RSRC1: variants seen among roughly 807,000 people sequenced by gnomAD.
RSRC1 encodes the protein arginine and serine rich coiled-coil 1, also known as serine/Arginine-related protein 53.
In RSRC1, 39 loss-of-function variants were observed where a neutral mutation model predicts 49.1. The ratio of observed to expected loss-of-function variants is 0.79; its 90% CI spans 0.61 to 1.04. RSRC1 has a LOEUF of 1.04. Among genes scored for constraint, RSRC1 ranks in the 50% least tolerant of loss-of-function variants. The pLI is 0.00. For missense variants in RSRC1, 388 were observed against 402.4 expected, an observed-to-expected ratio of 0.96 and a Z score of 0.31; for synonymous variants, 143 against 130.8, an observed-to-expected ratio of 1.09 and a Z score of -0.63.
At chr3:158,378,468 A>T (rs1252117628) in intron 6 of RSRC1, among the ~76,000 whole-genome samples, 1 of 152,210 alleles carries the variant, frequency 6.6e-6, no homozygotes, top group Non-Finnish European at 1.5e-5. Context: ...TCTGCATTCT[A>T]TTCTGTTCCT....
chr3:158,509,730 C>T lies in RSRC1; in HGVS notation c.653-27362C>T, dbSNP rs1410793063. ...TGACTTGCTTTCTTTTTCTGTTCAA[C>T]ATTATGGTATACCATAGTGATAGTA... On this transcript the variant is annotated intron_variant, in intron 7 of 9. Coordinates refer to ENST00000611884, the MANE Select transcript of RSRC1 (RefSeq NM_001271838.2). Among the ~76,000 whole-genome samples, 4 of 152,124 alleles carry T rather than the reference C, an allele frequency of 2.6e-5. 1 individual carries two copies. The highest frequency in any genetic ancestry group is 9.7e-5 in the African/African-American group (4 of 41,424).
At chr3:158,370,909 GT>G (rs1250017375) in intron 6 of RSRC1, among the ~76,000 whole-genome samples, 2 of 151,854 alleles carry the variant, frequency 1.3e-5, no homozygotes, top group African/African-American at 4.8e-5. Context: ...TTGTATGAAA[GT>G]TTGCTTCATT....
intron 6 of RSRC1, among the ~76,000 whole-genome samples, chr3:158,429,610 A>G (rs1445920430): frequency 6.7e-6 from 1 of 149,686 alleles, no homozygotes; most frequent in African/African-American, 2.5e-5. Context: ...TGTGTCTGGA[A>G]TCTATATATG....
At chr3:158,473,679 A>G (rs1178263023) in intron 7 of RSRC1, among the ~76,000 whole-genome samples, 2 of 152,154 alleles carry the variant, frequency 1.3e-5, no homozygotes, top group African/African-American at 4.8e-5. Context: ...AAAAAGGATG[A>G]GAAATGTCCT....
intron 5 of RSRC1, among the ~76,000 whole-genome samples, chr3:158,328,582 G>A (rs1729332082): frequency 6.6e-6 from 1 of 152,172 alleles, no homozygotes; most frequent in Non-Finnish European, 1.5e-5. Flanking sequence ...CTGGCTTGTA[G>A]AGTTTCTGCC....
chr3:158,531,688 C>T (rs1258264253), intron 7 of RSRC1, among the ~76,000 whole-genome samples: 1 of 151,612 alleles, frequency 6.6e-6, no homozygotes. Flanking sequence ...AATTTGTTCT[C>T]GGTGATATTG....
In RSRC1 at chr3:158,544,628, G is replaced by C. The variant is rs1341011251; in HGVS notation, c.*353G>C. 1.3e-5 allele frequency: 2 copies of C among 159,248 alleles called. No homozygotes were observed. The highest frequency in any genetic ancestry group is 4.8e-5 in the African/African-American group (2 of 41,634). 9.9% of individuals were successfully genotyped at this position (159,248 alleles called of 1,614,324 possible). A position where few individuals can be genotyped will look rare whatever the true frequency, so the allele number is the denominator to read the frequency against. The stretch of plus-strand genomic sequence containing the variant: ...ATTTTGATTAATTATGCATACATGA[G>C]AATTGAATTACATGCTATAAATATG... On this transcript the variant is annotated 3_prime_UTR_variant, in exon 10 of 10. Transcript: ENST00000611884.
At chr3:158,372,436 C>G (rs1732134522) in intron 6 of RSRC1, among the ~76,000 whole-genome samples, 1 of 151,762 alleles carries the variant, frequency 6.6e-6, no homozygotes, top group Non-Finnish European at 1.5e-5. Flanking sequence ...GCCTTTGTAC[C>G]TTTGCAAAGT....
Position 158,330,526 on chromosome 3 carries a change from G to A in RSRC1, c.532-24331G>A, listed in dbSNP as rs1027530114. Among the ~76,000 whole-genome samples the A allele has an allele frequency of 3.9e-5, 6 of 152,034 alleles. No homozygotes were observed. In the East Asian group the frequency reaches 9.7e-4, roughly 24 times the overall value. The stretch of plus-strand genomic sequence containing the variant: ...GGTAGGCAATTTTGGACACCTTTTC[G>A]TGTTAACATTGTCATTGTTTTCAAT... On this transcript the variant is annotated intron_variant, in intron 5 of 9. Transcript: ENST00000611884.
At chr3:158,407,443 A>G (rs1734208588) in intron 6 of RSRC1, among the ~76,000 whole-genome samples, 1 of 152,188 alleles carries the variant, frequency 6.6e-6, no homozygotes, top group South Asian at 2.1e-4. Flanking sequence ...TCTACATCCA[A>G]TGACAAGTAT....
intron 6 of RSRC1, among the ~76,000 whole-genome samples, chr3:158,375,956 C>G (rs1578402745): frequency 6.6e-6 from 1 of 151,886 alleles, no homozygotes; most frequent in Non-Finnish European, 1.5e-5. Flanking sequence ...TTCTCAATTG[C>G]GTTTGCCAAT....
At chr3:158,187,636 C>G (rs954790108) in intron 3 of RSRC1, among the ~76,000 whole-genome samples, 4 of 151,966 alleles carry the variant, frequency 2.6e-5, no homozygotes, top group African/African-American at 9.7e-5. Context: ...TAAGGACAGT[C>G]GATCCTGGTT....
intron 3 of RSRC1, 101 bp from the exon 4 acceptor site, chr3:158,202,971 A>T: frequency 3.4e-6 from 3 of 882,690 alleles, no homozygotes; most frequent in Non-Finnish European, 5.1e-6. Flanking sequence ...TGAGTCCACA[A>T]CTAAAACTAA....
intron 6 of RSRC1, among the ~76,000 whole-genome samples, chr3:158,440,942 C>G (rs1315959451): frequency 6.6e-6 from 1 of 151,716 alleles, no homozygotes; most frequent in Non-Finnish European, 1.5e-5. Context: ...AACTCCATCT[C>G]ATAAGAAAAA....
chr3:158,337,735 T>C (rs1290307786), intron 5 of RSRC1, among the ~76,000 whole-genome samples: 2 of 152,224 alleles, frequency 1.3e-5, no homozygotes, highest in Admixed American at 6.5e-5. Context: ...TCATCCTGGC[T>C]GCACCTTACT....
intron 6 of RSRC1, among the ~76,000 whole-genome samples, chr3:158,395,140 G>A (rs1433500422): frequency 1.3e-5 from 2 of 152,084 alleles, no homozygotes. Flanking sequence ...GCAGAAAATT[G>A]AAACTAGACC....
intron 6 of RSRC1, among the ~76,000 whole-genome samples, chr3:158,406,946 G>T (rs778928844): frequency 5.9e-5 from 9 of 152,062 alleles, no homozygotes; most frequent in Non-Finnish European, 1.2e-4. Flanking sequence ...GATCGATAGG[G>T]TGCAGTGGCC....
chr3:158,396,782 A>G (rs1733635330), intron 6 of RSRC1, among the ~76,000 whole-genome samples: 1 of 152,138 alleles, frequency 6.6e-6, no homozygotes, highest in South Asian at 2.1e-4. Flanking sequence ...ATTTCTGCAA[A>G]CTCAATACAA....
intron 6 of RSRC1, among the ~76,000 whole-genome samples, chr3:158,357,236 A>G (rs1049907631): frequency 6.6e-6 from 1 of 152,304 alleles, no homozygotes; most frequent in East Asian, 1.9e-4. Flanking sequence ...ATTTGTTACT[A>G]TAGAAATGAG....
Sources: allele counts gnomAD v4.1 joint callset (sites outside exome capture counted in the v4.1 genomes callset), GRCh38; gene constraint gnomAD v4.1.1; transcripts MANE v1.5; gene names NCBI Gene and HGNC (gene_info 2026-07-23, HGNC 2026-07-21).